Variants in PCDHA12 observed in about 807,000 individuals in gnomAD.
PCDHA12 encodes protocadherin alpha-12.
Under a neutral mutation model 60.0 loss-of-function variants are expected in PCDHA12, and 44 were observed. The observed-to-expected ratio is 0.73, with a 90% CI of 0.58 to 0.94. The LOEUF is 0.94. Ranked by LOEUF, PCDHA12 falls within the 40% of genes least tolerant of loss-of-function variation. The pLI is 0.00. For synonymous variants in PCDHA12, 569 were observed against 553.0 expected, an observed-to-expected ratio of 1.03 and a Z score of -0.40; for missense variants, 1,276 against 1,239.7, an observed-to-expected ratio of 1.03 and a Z score of -0.44.
intron 1 of PCDHA12, among the ~76,000 whole-genome samples, chr5:140,972,741 G>T (rs1453484254): frequency 6.9e-6 from 1 of 145,350 alleles, no homozygotes; most frequent in Non-Finnish European, 1.5e-5. Context: ...CCGGCTCACT[G>T]CAACCTCCGC....
intron 1 of PCDHA12, chr5:140,927,689 G>A (rs781972370): frequency 5.6e-6 from 9 of 1,614,064 alleles, no homozygotes; most frequent in African/African-American, 2.7e-5. Flanking sequence ...GGGTCCAATG[G>A]GGAAGTCCAG....
intron 1 of PCDHA12, among the ~76,000 whole-genome samples, chr5:140,961,085 T>C (rs1406733516): frequency 1.3e-5 from 2 of 152,230 alleles, no homozygotes; most frequent in East Asian, 3.8e-4. Flanking sequence ...CAAGTAATTG[T>C]TGACTTTTTG....
At chr5:140,942,927 A>T (rs914550511) in intron 1 of PCDHA12, among the ~76,000 whole-genome samples, 2 of 152,104 alleles carry the variant, frequency 1.3e-5, no homozygotes, top group Non-Finnish European at 2.9e-5. Flanking sequence ...AAAAAAATTG[A>T]AAAAGAGTTT....
chr5:141,010,432 C>CA lies in PCDHA12; in HGVS notation c.*498dup. ...AATTGGTACAAGGAAGGCAAGAAAA[C>CA]AAAGACAAATAAACAGCGGAAGTTA... On this transcript the variant is annotated 3_prime_UTR_variant, in exon 4 of 4. Transcript: ENST00000398631. 2.8e-6 allele frequency: 3 copies of CA among 1,056,970 alleles called. No homozygotes were observed. The highest frequency in any genetic ancestry group is 4.0e-6 in the Non-Finnish European group (3 of 756,282). The allele number at this position is 1,056,970 out of a possible 1,614,324, so 65.5% of individuals were successfully genotyped here.
chr5:140,982,506 C>G lies in PCDHA12; in HGVS notation c.2458C>G (p.Arg820Gly). The change falls in exon 3 of 4, where the codon CGG (arginine) becomes GGG (glycine). Residue 820 changes from arginine to glycine, a missense_variant. Transcript: ENST00000398631. ...SVHLEEAGIL[R>G]AGPGGPDQQW... Reference sequence around the variant, plus strand: ...GCACCTAGAGGAGGCTGGCATTCTACGGGCTGGTCCAGGAGGGCCTGATCA... The same window carrying G: ...GCACCTAGAGGAGGCTGGCATTCTAGGGGCTGGTCCAGGAGGGCCTGATCA... 6.2e-7 allele frequency: 1 copy of G among 1,614,162 alleles called. No homozygotes were observed. Among genetic ancestry groups the G allele is most frequent in the Non-Finnish European group, 8.5e-7 (1 of 1,180,032 alleles).
At chr5:141,008,745 G>A (rs759690147) in intron 3 of PCDHA12, among the ~76,000 whole-genome samples, 5 of 152,200 alleles carry the variant, frequency 3.3e-5, no homozygotes, top group Non-Finnish European at 7.3e-5. Context: ...TGAGCACACT[G>A]AGGGAAGGAA....
At chr5:140,934,163 G>A (rs2153618590) in intron 1 of PCDHA12, among the ~76,000 whole-genome samples, 1 of 152,110 alleles carries the variant, frequency 6.6e-6, no homozygotes, top group Non-Finnish European at 1.5e-5. Flanking sequence ...ATTTCAGTGT[G>A]CAACAGAAGT....
chr5:140,924,116 G>C (rs2081683465), intron 1 of PCDHA12, among the ~76,000 whole-genome samples: 1 of 152,178 alleles, frequency 6.6e-6, no homozygotes, highest in African/African-American at 2.4e-5. Flanking sequence ...AAAGCAGTTA[G>C]CTTGCTTAGC....
chr5:140,913,410 C>T (rs375204256), intron 1 of PCDHA12, among the ~76,000 whole-genome samples: 6 of 152,040 alleles, frequency 3.9e-5, no homozygotes, highest in African/African-American at 1.4e-4. Context: ...CCTTTGAATT[C>T]CTGCAGTATC....
chr5:140,966,917 G>T, intron 1 of PCDHA12: 1 of 1,602,580 alleles, frequency 6.2e-7, no homozygotes, highest in Non-Finnish European at 8.5e-7. Context: ...TGTGCCAGAG[G>T]AGCAGGCACC....
chr5:140,967,154 G>A, intron 1 of PCDHA12: 2 of 1,610,730 alleles, frequency 1.2e-6, no homozygotes, highest in Non-Finnish European at 1.7e-6. Flanking sequence ...CAACCCCGTG[G>A]CGGTGAGCGC....
chr5:140,936,640 C>G (rs782162757), intron 1 of PCDHA12, among the ~76,000 whole-genome samples: 3 of 152,208 alleles, frequency 2.0e-5, no homozygotes, highest in African/African-American at 7.2e-5. Context: ...TCATAAGCAA[C>G]GTGACTTTAT....
At chr5:140,908,384 C>T (rs573373685) in intron 1 of PCDHA12, among the ~76,000 whole-genome samples, 2 of 152,172 alleles carry the variant, frequency 1.3e-5, no homozygotes, top group African/African-American at 2.4e-5. Flanking sequence ...TGCTCGAGCC[C>T]GATCACATAT....
chr5:140,896,465 C>A (rs967658819), intron 1 of PCDHA12, among the ~76,000 whole-genome samples: 2 of 151,988 alleles, frequency 1.3e-5, no homozygotes, highest in Non-Finnish European at 2.9e-5. Flanking sequence ...TGGGTTCAAG[C>A]GGTTCTCCTG....
chr5:140,951,365 A>G (rs987513388), intron 1 of PCDHA12, among the ~76,000 whole-genome samples: 17 of 152,160 alleles, frequency 1.1e-4, no homozygotes, highest in African/African-American at 4.1e-4. Context: ...ACTGTTATAA[A>G]GAAACACCCA....
intron 3 of PCDHA12, among the ~76,000 whole-genome samples, chr5:141,008,523 C>A (rs2098380908): frequency 6.6e-6 from 1 of 152,182 alleles, no homozygotes; most frequent in Admixed American, 6.5e-5. Context: ...CAATCAGACT[C>A]TTGGGAATGT....
chr5:140,997,357 A>G (rs1309712075), intron 3 of PCDHA12, among the ~76,000 whole-genome samples: 1 of 152,218 alleles, frequency 6.6e-6, no homozygotes, highest in Non-Finnish European at 1.5e-5. Flanking sequence ...ATGTACTTAC[A>G]TAAACCTAGA....
intron 1 of PCDHA12, among the ~76,000 whole-genome samples, chr5:140,970,696 C>T (rs2096425637): frequency 6.6e-6 from 1 of 152,144 alleles, no homozygotes; most frequent in Admixed American, 6.5e-5. Flanking sequence ...GCTTTTAGAG[C>T]TACTACACAA....
At position 140,884,483 on chromosome 5, in the gene PCDHA12, C is replaced by G. The variant is rs376374275; in HGVS notation, c.2367+6644C>G. The G allele has an allele frequency of 3.7e-6, 6 of 1,613,980 alleles. 1 individual carries two copies. In the South Asian group the frequency reaches 5.5e-5, roughly 15 times the overall value. On this transcript the variant is annotated intron_variant, in intron 1 of 3. Coordinates refer to ENST00000398631, the MANE Select transcript of PCDHA12 (RefSeq NM_018903.4). The stretch of plus-strand genomic sequence containing the variant: ...CGCGTGCGCGCCGGGCAAGCCCACT[C>G]TAGTGTGCTCCAGCGCGGCAGGGAG...
Sources: allele counts gnomAD v4.1 joint callset (sites outside exome capture counted in the v4.1 genomes callset), GRCh38; gene constraint gnomAD v4.1.1; transcripts MANE v1.5; gene names NCBI Gene and HGNC (gene_info 2026-07-23, HGNC 2026-07-21).